WDPCP: variants seen among roughly 807,000 people sequenced by gnomAD.
WDPCP encodes WD repeat containing planar cell polarity effector, also known as WD repeat-containing and planar cell polarity effector protein fritz homolog.
WDPCP carries 71 observed loss-of-function variants against 93.1 expected under a neutral mutation model. That is an observed-to-expected ratio of 0.76 (90% CI 0.63 to 0.93). The LOEUF is 0.93. Ranked by LOEUF, WDPCP falls within the 40% of genes least tolerant of loss-of-function variation. The probability of loss-of-function intolerance (pLI) is 0.00; values close to 1 mark genes in which losing one functional copy is unlikely to be tolerated. For synonymous variants in WDPCP, 315 were observed against 315.0 expected, an observed-to-expected ratio of 1.00 and a Z score of 0.00; for missense variants, 844 against 887.4, an observed-to-expected ratio of 0.95 and a Z score of 0.62.
intron 2 of WDPCP, among the ~76,000 whole-genome samples, chr2:63,673,957 C>T (rs1007098384): frequency 1.3e-5 from 2 of 152,298 alleles, no homozygotes; most frequent in South Asian, 2.1e-4. Flanking sequence ...TCCTGCTGGA[C>T]GTGAAGCTGG....
chr2:63,512,424 ATAAAGACATATGCACATCTATGTT>A (rs1404966922), intron 1 of WDPCP, among the ~76,000 whole-genome samples: 1 of 152,214 alleles, frequency 6.6e-6, no homozygotes, highest in African/African-American at 2.4e-5. Flanking sequence ...TCATTCTACT[ATAAAGACATATGCACATCTATGTT>A]TATTGCAGCA....
intron 2 of WDPCP, among the ~76,000 whole-genome samples, chr2:63,793,350 G>C (rs550480702): frequency 6.6e-6 from 1 of 152,192 alleles, no homozygotes; most frequent in Non-Finnish European, 1.5e-5. Flanking sequence ...GCTCACACCT[G>C]TAGTCACAAC....
chr2:63,823,157 C>A (rs1171069349), intron 1 of WDPCP, among the ~76,000 whole-genome samples: 1 of 149,594 alleles, frequency 6.7e-6, no homozygotes, highest in Non-Finnish European at 1.5e-5. Flanking sequence ...GTAAATTATA[C>A]CTCAATTTAA....
At chr2:63,527,558 T>C (rs1445095118) in intron 1 of WDPCP, among the ~76,000 whole-genome samples, 1 of 152,032 alleles carries the variant, frequency 6.6e-6, no homozygotes, top group Admixed American at 6.6e-5. Context: ...CTCATCCTTT[T>C]TTATGGCTGC....
At chr2:63,799,602 T>C (rs1290452454) in intron 2 of WDPCP, among the ~76,000 whole-genome samples, 4 of 152,204 alleles carry the variant, frequency 2.6e-5, no homozygotes, top group African/African-American at 9.6e-5. Context: ...CAAACATTTC[T>C]GTAAAGGCTT....
At chr2:63,230,139 A>G (rs1038512993) in intron 14 of WDPCP, among the ~76,000 whole-genome samples, 1 of 132,118 alleles carries the variant, frequency 7.6e-6, no homozygotes, top group Non-Finnish European at 1.5e-5. Context: ...CCTGTGTCCA[A>G]GTATTCTCAT....
chr2:63,520,922 T>C (rs549231972), intron 1 of WDPCP, among the ~76,000 whole-genome samples: 1 of 151,564 alleles, frequency 6.6e-6, no homozygotes, highest in East Asian at 1.9e-4. Flanking sequence ...AAAAAGATTT[T>C]TCAACCAAGA....
chr2:63,596,420 C>T (rs1331295550), intron 3 of WDPCP, among the ~76,000 whole-genome samples: 1 of 152,222 alleles, frequency 6.6e-6, no homozygotes, highest in African/African-American at 2.4e-5. Flanking sequence ...CCTTTTCTCA[C>T]CCACAGCTCT....
At chr2:63,160,630 G>C (rs1559164360) in intron 15 of WDPCP, among the ~76,000 whole-genome samples, 4 of 152,120 alleles carry the variant, frequency 2.6e-5, no homozygotes, top group Non-Finnish European at 5.9e-5. Context: ...CATTTACTCT[G>C]CCTTTCGAGG....
At chr2:63,187,047 T>G (rs549578017) in intron 14 of WDPCP, among the ~76,000 whole-genome samples, 1 of 152,290 alleles carries the variant, frequency 6.6e-6, no homozygotes, top group African/African-American at 2.4e-5. Context: ...AGCTCTGATA[T>G]TTAGTGCATA....
chr2:63,144,289 ATTT>A (rs1671314033), intron 17 of WDPCP, among the ~76,000 whole-genome samples: 1 of 136,510 alleles, frequency 7.3e-6, no homozygotes, highest in Non-Finnish European at 1.7e-5. Flanking sequence ...ATTTTATTTT[ATTT>A]TATTTTGAGA....
At chr2:63,595,058 T>A in intron 3 of WDPCP, 1 of 312,888 alleles carries the variant, frequency 3.2e-6, no homozygotes, top group Non-Finnish European at 6.0e-6. Flanking sequence ...CCATGGATAC[T>A]GAATTATTCT....
intron 2 of WDPCP, among the ~76,000 whole-genome samples, chr2:63,775,563 A>T (rs1271808490): frequency 6.6e-6 from 1 of 152,214 alleles, no homozygotes; most frequent in African/African-American, 2.4e-5. Flanking sequence ...GTCCATGTAT[A>T]CATCATTAAA....
intron 2 of WDPCP, among the ~76,000 whole-genome samples, chr2:63,800,979 G>A (rs564242897): frequency 2.4e-4 from 37 of 152,268 alleles, no homozygotes; most frequent in Middle Eastern, 6.8e-3. Flanking sequence ...ACTTGAGTCC[G>A]GCAGGTCAAG....
chr2:63,156,856 C>T (rs1027549315), intron 15 of WDPCP, among the ~76,000 whole-genome samples: 1 of 152,150 alleles, frequency 6.6e-6, no homozygotes, highest in African/African-American at 2.4e-5. Context: ...GGGATGGTTT[C>T]ATTTCTTCTT....
intron 14 of WDPCP, among the ~76,000 whole-genome samples, chr2:63,206,337 G>A (rs1452462034): frequency 3.3e-5 from 5 of 152,098 alleles, no homozygotes; most frequent in African/African-American, 9.7e-5. Flanking sequence ...TCTACTATGA[G>A]CATTACTCGA....
At chr2:63,329,156 A>G (rs570468511) in intron 12 of WDPCP, among the ~76,000 whole-genome samples, 2 of 152,284 alleles carry the variant, frequency 1.3e-5, no homozygotes, top group Admixed American at 1.3e-4. Context: ...CTCATCTTGC[A>G]TATCTGAAAC....
chr2:63,239,043 C>T (rs1423381855), intron 14 of WDPCP, among the ~76,000 whole-genome samples: 1 of 152,176 alleles, frequency 6.6e-6, no homozygotes, highest in Non-Finnish European at 1.5e-5. Flanking sequence ...CCGTAGAATA[C>T]AGCCTCAGTG....
intron 12 of WDPCP, among the ~76,000 whole-genome samples, chr2:63,332,428 A>G (rs1415118290): frequency 6.6e-6 from 1 of 152,030 alleles, no homozygotes; most frequent in African/African-American, 2.4e-5. Context: ...TATCCTTCTA[A>G]TGGTTCCTAC....
Sources: gnomAD v4.1 joint callset for allele counts (sites outside exome capture counted in the v4.1 genomes callset) on GRCh38, gnomAD v4.1.1 for gene constraint, MANE v1.5 for transcripts, NCBI Gene and HGNC (gene_info 2026-07-23, HGNC 2026-07-21) for gene names.